KCNIP4: variants seen among roughly 807,000 people sequenced by gnomAD.
KCNIP4 encodes Kv channel-interacting protein 4.
In KCNIP4, 12 loss-of-function variants were observed where a neutral mutation model predicts 34.0. The observed-to-expected ratio is 0.35, with a 90% confidence interval of 0.23 to 0.57. The LOEUF (loss-of-function observed/expected upper bound fraction) is 0.57. KCNIP4 is among the 20% of genes least tolerant of loss of function. KCNIP4 has a pLI of 0.83. For synonymous variants in KCNIP4, 124 were observed against 102.2 expected, an observed-to-expected ratio of 1.21 and a Z score of -1.29; for missense variants, 238 against 311.7, an observed-to-expected ratio of 0.76 and a Z score of 1.78.
intron 1 of KCNIP4, among the ~76,000 whole-genome samples, chr4:21,036,799 C>A (rs534714324): frequency 3.3e-5 from 5 of 152,176 alleles, no homozygotes; most frequent in Non-Finnish European, 7.4e-5. Context: ...AATACTCATG[C>A]AATGCATAAT....
At chr4:21,039,965 T>C (rs1460052719) in intron 1 of KCNIP4, among the ~76,000 whole-genome samples, 1 of 152,076 alleles carries the variant, frequency 6.6e-6, no homozygotes, top group Non-Finnish European at 1.5e-5. Context: ...CTCAGGAAAC[T>C]TACAATCAAG....
At chr4:21,027,289 T>G (rs1276876633) in intron 1 of KCNIP4, among the ~76,000 whole-genome samples, 11 of 152,138 alleles carry the variant, frequency 7.2e-5, no homozygotes, top group Non-Finnish European at 1.6e-4. Flanking sequence ...GGATTGTCTA[T>G]GGCTACAACA....
intron 1 of KCNIP4, among the ~76,000 whole-genome samples, chr4:20,926,057 C>T (rs1729871099): frequency 6.6e-6 from 1 of 152,184 alleles, no homozygotes; most frequent in Non-Finnish European, 1.5e-5. Context: ...TGTTCAGTAT[C>T]AATTATATTT....
At chr4:21,593,622 T>G (rs1457472026) in intron 1 of KCNIP4, among the ~76,000 whole-genome samples, 1 of 151,970 alleles carries the variant, frequency 6.6e-6, no homozygotes, top group African/African-American at 2.4e-5. Flanking sequence ...CCAAGTCATC[T>G]CTCCCACCCT....
At chr4:20,900,499 A>G (rs1727047436) in intron 1 of KCNIP4, among the ~76,000 whole-genome samples, 1 of 152,216 alleles carries the variant, frequency 6.6e-6, no homozygotes, top group Non-Finnish European at 1.5e-5. Context: ...TTGAATTTCA[A>G]AGGAGAAAGA....
intron 1 of KCNIP4, among the ~76,000 whole-genome samples, chr4:20,970,603 A>G (rs1172187722): frequency 6.6e-6 from 1 of 152,204 alleles, no homozygotes; most frequent in Non-Finnish European, 1.5e-5. Flanking sequence ...TGCTACTGGC[A>G]TTTAATTGGT....
chr4:21,667,883 G>A (rs1749123899), intron 1 of KCNIP4, among the ~76,000 whole-genome samples: 1 of 152,140 alleles, frequency 6.6e-6, no homozygotes, highest in South Asian at 2.1e-4. Flanking sequence ...TTGTACAGAG[G>A]TTCACCTTCA....
At chr4:20,837,695 T>TTC (rs1426696277) in intron 3 of KCNIP4, among the ~76,000 whole-genome samples, 1 of 147,510 alleles carries the variant, frequency 6.8e-6, no homozygotes, top group African/African-American at 2.5e-5. Context: ...TATTTTTTTT[T>TTC]CCTTGGAGAT....
At chr4:21,451,401 C>T (rs1728496233) in intron 1 of KCNIP4, among the ~76,000 whole-genome samples, 1 of 152,100 alleles carries the variant, frequency 6.6e-6, no homozygotes, top group African/African-American at 2.4e-5. Flanking sequence ...AATCCAACTC[C>T]ATGGGGGCAG....
chr4:21,325,290 C>T (rs1464511900), intron 1 of KCNIP4, among the ~76,000 whole-genome samples: 1 of 151,200 alleles, frequency 6.6e-6, no homozygotes, highest in Non-Finnish European at 1.5e-5. Context: ...TTGTAATTGG[C>T]CTGCTAAGGT....
chr4:20,965,190 A>T (rs1560606685), intron 1 of KCNIP4, among the ~76,000 whole-genome samples: 1 of 152,206 alleles, frequency 6.6e-6, no homozygotes, highest in Non-Finnish European at 1.5e-5. Context: ...AAGAATAAAT[A>T]GAAGTATTCA....
At chr4:21,844,506 C>T (rs1427381640) in intron 1 of KCNIP4, 2 of 152,056 alleles carry the variant, frequency 1.3e-5, no homozygotes, top group Non-Finnish European at 2.9e-5. Flanking sequence ...TTCTTTGCCT[C>T]TCCTATGTCC....
At chr4:20,956,083 C>CT (rs1165923264) in intron 1 of KCNIP4, among the ~76,000 whole-genome samples, 1 of 152,196 alleles carries the variant, frequency 6.6e-6, no homozygotes, top group East Asian at 1.9e-4. Context: ...TTGATTAGAC[C>CT]TTTTTTGACA....
At chr4:21,004,504 C>T (rs558824958) in intron 1 of KCNIP4, among the ~76,000 whole-genome samples, 39 of 152,250 alleles carry the variant, frequency 2.6e-4, no homozygotes, top group Non-Finnish European at 4.9e-4. Flanking sequence ...AGGTGATGGT[C>T]CATACCATTG....
intron 1 of KCNIP4, among the ~76,000 whole-genome samples, chr4:21,732,172 C>T (rs1000121182): frequency 3.3e-5 from 5 of 152,006 alleles, no homozygotes; most frequent in African/African-American, 1.2e-4. Context: ...AATGAGATAG[C>T]TTGGAAAATC....
intron 5 of KCNIP4, among the ~76,000 whole-genome samples, chr4:20,742,653 A>G (rs1751412223): frequency 6.6e-6 from 1 of 152,168 alleles, no homozygotes; most frequent in Non-Finnish European, 1.5e-5. Context: ...GAAAACTGGC[A>G]CAAGACAGGG....
chr4:20,977,438 A>G (rs1330108793), intron 1 of KCNIP4, among the ~76,000 whole-genome samples: 1 of 152,198 alleles, frequency 6.6e-6, no homozygotes, highest in Non-Finnish European at 1.5e-5. Flanking sequence ...AATGAATAAT[A>G]AATGAAAATT....
rs193204347 is a variant in KCNIP4 at position 21,875,829 on chromosome 4, G to A, written c.61+72742C>T. Among the ~76,000 whole-genome samples the A allele has an allele frequency of 2.1e-3, 327 of 152,112 alleles. 3 individuals carry two copies. Among genetic ancestry groups the A allele is most frequent in the Non-Finnish European group, 2.7e-3 (185 of 67,988 alleles). Reference sequence around the variant, plus strand: ...CAGATGCATTTTTTCTAATTGGCACGAGAAATGCTTTTACTTCACATGCCA... The same window carrying A: ...CAGATGCATTTTTTCTAATTGGCACAAGAAATGCTTTTACTTCACATGCCA... On this transcript the variant is annotated intron_variant, in intron 1 of 8. Transcript: ENST00000382152.
At position 21,176,790 on chromosome 4, in the gene KCNIP4, G is replaced by A. The variant is rs143494566; in HGVS notation, c.62-294081C>T. Among the ~76,000 whole-genome samples, 945 of 152,260 alleles carry A rather than the reference G, an allele frequency of 6.2e-3. 11 individuals are homozygous for A. Among genetic ancestry groups the A allele is most frequent in the African/African-American group, 0.022 (898 of 41,566 alleles). On this transcript the variant is annotated intron_variant, in intron 1 of 8. Transcript: ENST00000382152. ...CCCACCTCGGCCTCCCAAAGTGCTGGGATTACAGGCATGGGCCACCATGCC... is the reference window on the plus strand; with the variant it reads ...CCCACCTCGGCCTCCCAAAGTGCTGAGATTACAGGCATGGGCCACCATGCC...
Sources: allele counts gnomAD v4.1 joint callset (sites outside exome capture counted in the v4.1 genomes callset), GRCh38; gene constraint gnomAD v4.1.1; transcripts MANE v1.5; gene names NCBI Gene and HGNC (gene_info 2026-07-23, HGNC 2026-07-21).